The following CDH2 variants were observed in gnomAD, a reference collection of about 807,000 sequenced individuals.
CDH2 encodes cadherin-2.
CDH2 carries 17 observed loss-of-function variants against 92.0 expected under a neutral mutation model. That is an observed-to-expected ratio of 0.18 (90% CI 0.13 to 0.28). CDH2 has a LOEUF of 0.28. Ranked by LOEUF, CDH2 falls within the 10% of genes least tolerant of loss-of-function variation. CDH2 has a pLI of 1.00. For missense variants in CDH2, 862 were observed against 1,133.1 expected, an observed-to-expected ratio of 0.76 and a Z score of 3.44; for synonymous variants, 419 against 415.9, an observed-to-expected ratio of 1.01 and a Z score of -0.09.
At chr18:28,102,004 T>G (rs2015234553) in intron 2 of CDH2, among the ~76,000 whole-genome samples, 1 of 152,108 alleles carries the variant, frequency 6.6e-6, no homozygotes, top group African/African-American at 2.4e-5. Flanking sequence ...AGGAATGTGC[T>G]GGTTGAGAAG....
At chr18:28,033,724 T>G (rs1266881240) in intron 2 of CDH2, among the ~76,000 whole-genome samples, 2 of 152,100 alleles carry the variant, frequency 1.3e-5, no homozygotes, top group South Asian at 2.1e-4. Context: ...ATAGGATTCA[T>G]TCCACAAGTC....
At chr18:27,988,959 C>G (rs1025735229) in intron 10 of CDH2, among the ~76,000 whole-genome samples, 17 of 152,276 alleles carry the variant, frequency 1.1e-4, no homozygotes, top group African/African-American at 4.1e-4. Context: ...ATTTTAGGTT[C>G]TTGTCCACTT....
At chr18:27,977,456 GA>G (rs11312437) in intron 14 of CDH2, among the ~76,000 whole-genome samples, 52,785 of 149,184 alleles carry the variant, frequency 0.35, 10,446 homozygotes, top group Non-Finnish European at 0.46. Context: ...AACTTATACA[GA>G]CAGAGACTCC....
At chr18:28,130,478 C>T (rs982236975) in intron 2 of CDH2, among the ~76,000 whole-genome samples, 11 of 152,118 alleles carry the variant, frequency 7.2e-5, no homozygotes, top group Admixed American at 1.3e-4. Context: ...AATGTATTTC[C>T]GACATAACAT....
At chr18:27,963,049 CTATT>C (rs1479969319) in intron 15 of CDH2, among the ~76,000 whole-genome samples, 4 of 151,848 alleles carry the variant, frequency 2.6e-5, no homozygotes, top group Admixed American at 2.0e-4. Flanking sequence ...TATTGTTAGT[CTATT>C]TATTACTTGT....
At chr18:28,103,050 A>G (rs952622965) in intron 2 of CDH2, among the ~76,000 whole-genome samples, 3 of 151,358 alleles carry the variant, frequency 2.0e-5, no homozygotes, top group African/African-American at 4.8e-5. Context: ...AACACTAGGT[A>G]CTCAGAGTAG....
intron 11 of CDH2, among the ~76,000 whole-genome samples, chr18:27,987,327 C>T (rs1303434873): frequency 1.3e-5 from 2 of 152,138 alleles, no homozygotes; most frequent in East Asian, 3.9e-4. Flanking sequence ...AAAGTTCCAA[C>T]ACTAAATATT....
At chr18:28,135,941 G>A (rs1264604958) in intron 2 of CDH2, among the ~76,000 whole-genome samples, 3 of 152,106 alleles carry the variant, frequency 2.0e-5, no homozygotes, top group Admixed American at 6.5e-5. Context: ...CTGGGCACTG[G>A]CATTTTCCAA....
chr18:28,020,766 G>C (rs936178226), intron 2 of CDH2, among the ~76,000 whole-genome samples: 2 of 151,960 alleles, frequency 1.3e-5, no homozygotes, highest in Non-Finnish European at 2.9e-5. Flanking sequence ...AAAATCCATA[G>C]AGCTGTGTAA....
At chr18:28,135,339 T>C (rs764798634) in intron 2 of CDH2, among the ~76,000 whole-genome samples, 2 of 152,220 alleles carry the variant, frequency 1.3e-5, no homozygotes, top group African/African-American at 2.4e-5. Flanking sequence ...GAAGAATGGA[T>C]CTTTTCTTCA....
intron 2 of CDH2, among the ~76,000 whole-genome samples, chr18:28,074,830 T>C (rs561005642): frequency 5.6e-4 from 85 of 152,184 alleles, no homozygotes; most frequent in African/African-American, 2.0e-3. Context: ...TTCTGCCATA[T>C]TTCAGAATTG....
chr18:28,154,067 C>T (rs2016169134), intron 1 of CDH2, among the ~76,000 whole-genome samples: 2 of 152,154 alleles, frequency 1.3e-5, no homozygotes, highest in Non-Finnish European at 2.9e-5. Flanking sequence ...TTATCTTTAC[C>T]TCTGGAAACC....
intron 2 of CDH2, among the ~76,000 whole-genome samples, chr18:28,055,264 A>G (rs2014269470): frequency 6.6e-6 from 1 of 152,200 alleles, no homozygotes; most frequent in South Asian, 2.1e-4. Context: ...AACTGCCTCC[A>G]TAATTCAATT....
intron 1 of CDH2, among the ~76,000 whole-genome samples, chr18:28,176,747 G>A (rs528203770): frequency 2.6e-4 from 40 of 151,968 alleles, no homozygotes; most frequent in African/African-American, 8.9e-4. Context: ...CGCCAGGAAA[G>A]GCGCGAGAGA....
At chr18:28,135,793 T>C (rs17536472) in intron 2 of CDH2, among the ~76,000 whole-genome samples, 1 of 152,318 alleles carries the variant, frequency 6.6e-6, no homozygotes, top group African/African-American at 2.4e-5. Context: ...GAGATTTTTC[T>C]CTGGTCATTT....
At chr18:28,085,876 T>C (rs943905845) in intron 2 of CDH2, among the ~76,000 whole-genome samples, 2 of 152,098 alleles carry the variant, frequency 1.3e-5, no homozygotes, top group African/African-American at 4.8e-5. Context: ...CCTACAAAAT[T>C]AGTATTTAGG....
intron 15 of CDH2, among the ~76,000 whole-genome samples, chr18:27,958,515 ATG>A (rs1388448679): frequency 6.7e-6 from 1 of 150,048 alleles, no homozygotes; most frequent in East Asian, 2.0e-4. Flanking sequence ...ATATGTATAT[ATG>A]TGTATATTTG....
intron 2 of CDH2, among the ~76,000 whole-genome samples, chr18:28,105,371 ATGT>A (rs1240396487): frequency 1.3e-5 from 2 of 152,218 alleles, no homozygotes; most frequent in African/African-American, 4.8e-5. Context: ...CTCTATCAAG[ATGT>A]TGTGATTTCA....
At chr18:28,091,829 G>A (rs17468839) in intron 2 of CDH2, among the ~76,000 whole-genome samples, 5,193 of 151,726 alleles carry the variant, frequency 0.034, 140 homozygotes, top group Middle Eastern at 0.076. Flanking sequence ...CCCCACCACC[G>A]CCATTAGTTT....
Sources: allele counts gnomAD v4.1 joint callset (sites outside exome capture counted in the v4.1 genomes callset), GRCh38; gene constraint gnomAD v4.1.1; transcripts MANE v1.5; gene names NCBI Gene and HGNC (gene_info 2026-07-23, HGNC 2026-07-21).